SETD2: variants seen among roughly 807,000 people sequenced by gnomAD.
The protein encoded by SETD2 is SET domain containing 2, histone lysine methyltransferase, also known as histone-lysine N-methyltransferase SETD2.
In SETD2, 31 loss-of-function variants were observed where a neutral mutation model predicts 242.1. The ratio of observed to expected loss-of-function variants is 0.13; its 90% CI spans 0.10 to 0.17. The LOEUF (loss-of-function observed/expected upper bound fraction) is 0.17, where lower values mean the gene tolerates loss of function less well. Ranked by LOEUF, SETD2 falls within the 10% of genes least tolerant of loss-of-function variation. The pLI, the probability that SETD2 is intolerant of heterozygous loss-of-function variation, is 1.00. For missense variants in SETD2, 2,481 were observed against 3,046.3 expected (o/e 0.81, Z 4.37); for synonymous variants, 1,006 against 1,066.5 (o/e 0.94, Z 1.11).
chr3:47,118,496 C>T (rs1190145740), intron 3 of SETD2, among the ~76,000 whole-genome samples: 1 of 151,802 alleles, frequency 6.6e-6, no homozygotes, highest in Non-Finnish European at 1.5e-5. Flanking sequence ...CTGAGACGGG[C>T]GGATCACCTG....
rs2107688304 is a variant in SETD2, at chr3:47,103,365, G to T, written c.4898C>A (p.Pro1633Gln). The change falls in exon 7 of 21, where the codon CCA (proline) becomes CAA (glutamine). Residue 1633 changes from proline to glutamine, a missense_variant. Coordinates refer to ENST00000409792, the MANE Select transcript of SETD2 (RefSeq NM_014159.7). The part of the protein sequence containing the change: ...CSRFMNHSCE[P>Q]NCETQKWTVN... ...ACTTACTTTTTGGGTTTCACAATTTGGTTCACAGCTGTGATTCATGAAACG... is the reference window on the plus strand; with the variant it reads ...ACTTACTTTTTGGGTTTCACAATTTTGTTCACAGCTGTGATTCATGAAACG... 6.2e-7 allele frequency: 1 copy of T among 1,611,830 alleles called. No homozygotes were observed. Among genetic ancestry groups the T allele is most frequent in the Non-Finnish European group, 8.5e-7 (1 of 1,178,112 alleles).
intron 12 of SETD2, among the ~76,000 whole-genome samples, chr3:47,073,619 C>A (rs2040922854): frequency 6.6e-6 from 1 of 152,190 alleles, no homozygotes; most frequent in Admixed American, 6.6e-5. Flanking sequence ...AACACTCTAA[C>A]TTCGAATAGC....
chr3:47,079,628 A>G (rs1205820700), intron 12 of SETD2, among the ~76,000 whole-genome samples: 1 of 152,252 alleles, frequency 6.6e-6, no homozygotes, highest in African/African-American at 2.4e-5. Context: ...AGGACAAGAT[A>G]GTAAATATTT....
intron 11 of SETD2, among the ~76,000 whole-genome samples, chr3:47,085,624 T>C (rs1250256636): frequency 1.3e-5 from 2 of 152,234 alleles, no homozygotes; most frequent in Non-Finnish European, 2.9e-5. Flanking sequence ...TGTTTGTTTT[T>C]AAAAGTGTTT....
At chr3:47,109,368 AG>A (rs1458514974) in intron 5 of SETD2, among the ~76,000 whole-genome samples, 1 of 152,194 alleles carries the variant, frequency 6.6e-6, no homozygotes, top group Non-Finnish European at 1.5e-5. Flanking sequence ...AAAACGGGCC[AG>A]GGGTGGTGGC....
In SETD2 at chr3:47,017,897, C is replaced by T. The variant is rs2038052006; in HGVS notation, c.7432-158G>A. Reference sequence around the variant, plus strand: ...GTTTGGACAGTGGAATACTAGTAAGCCAGTAAGATCTGAGAAAAGGATACG... The same window carrying T: ...GTTTGGACAGTGGAATACTAGTAAGTCAGTAAGATCTGAGAAAAGGATACG... On this transcript the variant is annotated intron_variant, in intron 19 of 20. Coordinates refer to ENST00000409792, the MANE Select transcript of SETD2 (RefSeq NM_014159.7). The surrounding 1 kb of genome is among the most constrained non-coding windows in gnomAD (Gnocchi z 4.8). Among the ~76,000 whole-genome samples, 2 of 152,184 alleles carry T rather than the reference C, an allele frequency of 1.3e-5. No homozygotes were observed. The highest frequency in any genetic ancestry group is 2.4e-5 in the African/African-American group (1 of 41,430).
intron 1 of SETD2, 67 bp from the exon 2 acceptor site, chr3:47,126,730 T>G: frequency 2.2e-6 from 2 of 917,400 alleles, no homozygotes; most frequent in South Asian, 2.9e-5. Flanking sequence ...TAAAAACGAT[T>G]GAAATAATAG....
At chr3:47,146,015 C>CAAAAAAAAA (rs1171574770) in intron 1 of SETD2, among the ~76,000 whole-genome samples, 2 of 38,678 alleles carry the variant, frequency 5.2e-5, no homozygotes, top group Non-Finnish European at 8.0e-5. Flanking sequence ...GACCCTGTCT[C>CAAAAAAAAA]AAAAAAAAAA....
At chr3:47,065,392 G>T (rs1390100662) in intron 13 of SETD2, among the ~76,000 whole-genome samples, 1 of 152,026 alleles carries the variant, frequency 6.6e-6, no homozygotes, top group Non-Finnish European at 1.5e-5. Flanking sequence ...AATCACACTG[G>T]CTTCTTCATT....
chr3:47,029,458 CTTA>C, intron 18 of SETD2, among the ~76,000 whole-genome samples: 1 of 148,268 alleles, frequency 6.7e-6, no homozygotes, highest in Non-Finnish European at 1.5e-5. Context: ...GGATCAGAAA[CTTA>C]TTAAAACACA....
At chr3:47,089,547 C>T (rs2041709571) in intron 9 of SETD2, among the ~76,000 whole-genome samples, 1 of 152,090 alleles carries the variant, frequency 6.6e-6, no homozygotes, top group Admixed American at 6.6e-5. Context: ...TATAATTATG[C>T]TTTGTAACAT....
intron 17 of SETD2, among the ~76,000 whole-genome samples, chr3:47,040,770 A>C (rs1489531424): frequency 6.6e-6 from 1 of 151,780 alleles, no homozygotes; most frequent in Non-Finnish European, 1.5e-5. Flanking sequence ...ATGGGGTTTC[A>C]CTATGGTGCC....
Position 47,123,017 on chromosome 3 carries a change from C to T in SETD2, c.1619G>A (p.Arg540Gln), listed in dbSNP as rs371758386. ...ATGCTTAGAATATGATGACCCTCGT[C>T]GGAATCCCAGTTCATTAGGGGGAGA... ...CCSPPNELGFRRGSSYSKHDS... is the reference protein window; with the variant it reads ...CCSPPNELGFQRGSSYSKHDS... The change falls in exon 3 of 21, where the codon CGA becomes CAA. Residue 540 changes from arginine (R) to glutamine (Q), a missense_variant. Transcript: ENST00000409792. 6 of 1,613,914 alleles carry T rather than the reference C, an allele frequency of 3.7e-6. No homozygotes were observed. Among genetic ancestry groups the T allele is most frequent in the South Asian group, 1.1e-5 (1 of 91,082 alleles).
In SETD2 at chr3:47,062,190, T is replaced by C. The variant is rs2107588734; in HGVS notation, c.6266A>G (p.Glu2089Gly). The C allele has an allele frequency of 1.2e-6, 2 of 1,614,006 alleles. No homozygotes were observed. Among genetic ancestry groups the C allele is most frequent in the Non-Finnish European group, 1.7e-6 (2 of 1,179,998 alleles). The change falls in exon 14 of 21, where the codon GAG (glutamate) becomes GGG (glycine). Residue 2089 changes from glutamate to glycine, a missense_variant. By Grantham distance (98) the Glu-to-Gly change is moderately conservative (BLOSUM62 -2). Around this residue, in one of 17 missense-constraint regions of SETD2, gnomAD observed 80 missense variants for 102.6 expected, o/e 0.78. Coordinates refer to ENST00000409792, the MANE Select transcript of SETD2 (RefSeq NM_014159.7). ...SSLSPPSSAY[E>G]RGTKRPDDRY... Reference sequence around the variant, plus strand: ...GTCATCTGGCCTTTTTGTTCCCCGCTCATAGGCAGAAGAGGGTGGTGAGAG... The same window carrying C: ...GTCATCTGGCCTTTTTGTTCCCCGCCCATAGGCAGAAGAGGGTGGTGAGAG...
intron 1 of SETD2, among the ~76,000 whole-genome samples, chr3:47,144,278 G>A (rs903457936): frequency 1.5e-4 from 23 of 152,086 alleles, no homozygotes; most frequent in Non-Finnish European, 3.4e-4. Flanking sequence ...AGGATCACTT[G>A]AGCCCAGGAG....
chr3:47,040,091 C>A (rs1255220401), intron 17 of SETD2, among the ~76,000 whole-genome samples: 1 of 151,712 alleles, frequency 6.6e-6, no homozygotes. Flanking sequence ...ATTCTCCCGC[C>A]TCTCGGCTTC....
At chr3:47,129,117 A>C (rs7623365) in intron 1 of SETD2, among the ~76,000 whole-genome samples, 6,774 of 152,292 alleles carry the variant, frequency 0.044, 521 homozygotes, top group African/African-American at 0.15. Context: ...GGCATAATGA[A>C]GGTCCATTTT....
At chr3:47,068,589 T>C (rs2040672146) in intron 12 of SETD2, among the ~76,000 whole-genome samples, 1 of 149,360 alleles carries the variant, frequency 6.7e-6, no homozygotes, top group East Asian at 2.0e-4. Context: ...CTCTGCCTCC[T>C]GGGTTCAAGC....
At chr3:47,071,038 T>C (rs1017856168) in intron 12 of SETD2, among the ~76,000 whole-genome samples, 3 of 152,152 alleles carry the variant, frequency 2.0e-5, no homozygotes, top group Non-Finnish European at 2.9e-5. Context: ...GGTGTGATCA[T>C]AGCTCACTGC....
Sources: gnomAD v4.1 joint callset for allele counts (sites outside exome capture counted in the v4.1 genomes callset) on GRCh38, gnomAD v4.1.1 for gene constraint, gnomAD v4.1.1 regional missense constraint, Gnocchi (gnomAD v3.1) non-coding constraint, MANE v1.5 for transcripts, NCBI Gene and HGNC (gene_info 2026-07-23, HGNC 2026-07-21) for gene names.